SEMA3E: variants seen among roughly 807,000 people sequenced by gnomAD.
The protein encoded by SEMA3E is semaphorin 3E.
In SEMA3E, 49 loss-of-function variants were observed where a neutral mutation model predicts 93.6. The observed-to-expected ratio is 0.52, with a 90% CI of 0.42 to 0.66. The LOEUF (loss-of-function observed/expected upper bound fraction) is 0.66. SEMA3E is among the 30% of genes least tolerant of loss of function. SEMA3E has a pLI of 0.00. For synonymous variants in SEMA3E, 363 were observed against 330.7 expected (o/e 1.10, Z -1.06); for missense variants, 906 against 964.8 (o/e 0.94, Z 0.81).
In SEMA3E at chr7:83,367,503, C is replaced by T. The variant is rs975757073; in HGVS notation, c.*83G>A. ...TTACAGAAATCTCTTTTAAGTAATG[C>T]AAAGAAGTTGGATGATTTATTTTTT... On this transcript the variant is annotated 3_prime_UTR_variant, in exon 17 of 17. Transcript: ENST00000643230. The T allele has an allele frequency of 6.0e-5, 83 of 1,390,688 alleles. No individual in the cohort carries two copies. The highest frequency in any genetic ancestry group is 5.6e-4 in the African/African-American group (39 of 69,334). 86.1% of individuals were successfully genotyped at this position (1,390,688 alleles called of 1,614,324 possible). A position where few individuals can be genotyped will look rare whatever the true frequency, so the allele number is the denominator to read the frequency against.
At chr7:83,539,855 C>CTCTGTGTGTGTG (rs551859742) in intron 1 of SEMA3E, among the ~76,000 whole-genome samples, 8 of 122,752 alleles carry the variant, frequency 6.5e-5, no homozygotes, top group African/African-American at 3.0e-5. Context: ...TTTGTTGTTT[C>CTCTGTGTGTGTG]TGTGTGTGTG....
chr7:83,437,409 C>T (rs980936258), intron 4 of SEMA3E, among the ~76,000 whole-genome samples: 2 of 151,714 alleles, frequency 1.3e-5, no homozygotes, highest in African/African-American at 4.8e-5. Context: ...AAATAAGACA[C>T]AAAATCCAGA....
chr7:83,420,004 G>A (rs1404569179), intron 4 of SEMA3E, among the ~76,000 whole-genome samples: 1 of 152,060 alleles, frequency 6.6e-6, no homozygotes, highest in Non-Finnish European at 1.5e-5. Flanking sequence ...GAAGTCAAAC[G>A]ATCTCTCTTC....
chr7:83,419,808 T>C (rs1788637641), intron 4 of SEMA3E, among the ~76,000 whole-genome samples: 1 of 145,996 alleles, frequency 6.8e-6, no homozygotes, highest in African/African-American at 2.5e-5. Flanking sequence ...AACTAGGCAT[T>C]GAAGGAACAT....
At chr7:83,508,328 T>A (rs1252681834) in intron 1 of SEMA3E, among the ~76,000 whole-genome samples, 1 of 151,508 alleles carries the variant, frequency 6.6e-6, no homozygotes, top group Non-Finnish European at 1.5e-5. Context: ...AATGGTGCGA[T>A]CTCAACTCAC....
rs542993556 is a variant in SEMA3E, at chr7:83,615,907, A to C, written c.115+32521T>G. 2.0e-5 allele frequency among the ~76,000 whole-genome samples: 3 copies of C among 152,022 alleles called. No individual in the cohort carries two copies. In the East Asian group the frequency reaches 5.8e-4, roughly 29 times the overall value. The stretch of plus-strand genomic sequence containing the variant: ...TCTCTCTCTCTCTCCAGAGGGGTTT[A>C]TTTACTACACAGAATTTTTTCATCA... On this transcript the variant is annotated intron_variant, in intron 1 of 16. Transcript: ENST00000643230.
chr7:83,402,758 A>T lies in SEMA3E; in HGVS notation c.1017T>A (p.His339Gln), dbSNP rs746431820. ...FNTTSNIFRGHAICVYHMSSI... is the reference protein window; with the variant it reads ...FNTTSNIFRGQAICVYHMSSI... ...TAGACATGTGATAGACACATATAGC[A>T]TGCCCTCGAAAAATATTACTGAAAA... Residue 339 changes from histidine (H) to glutamine (Q), a missense_variant, in exon 10 of 17, where the codon CAT (histidine) becomes CAA (glutamine). Transcript: ENST00000643230. The T allele has an allele frequency of 1.1e-5, 18 of 1,612,502 alleles. No homozygotes were observed. Among genetic ancestry groups the T allele is most frequent in the Non-Finnish European group, 3.4e-6 (4 of 1,179,022 alleles).
chr7:83,573,608 C>G (rs1792332537), intron 1 of SEMA3E, among the ~76,000 whole-genome samples: 1 of 151,898 alleles, frequency 6.6e-6, no homozygotes, highest in East Asian at 1.9e-4. Context: ...TAATAAACAT[C>G]TTTGTAATTT....
chr7:83,440,008 C>T (rs1435975169), intron 4 of SEMA3E, among the ~76,000 whole-genome samples: 2 of 152,200 alleles, frequency 1.3e-5, no homozygotes, highest in Non-Finnish European at 1.5e-5. Flanking sequence ...CCACTCTGTG[C>T]ACAGCGTATG....
chr7:83,379,198 C>A (rs558764652), intron 16 of SEMA3E, among the ~76,000 whole-genome samples: 2 of 151,318 alleles, frequency 1.3e-5, no homozygotes, highest in Admixed American at 1.3e-4. Context: ...ACAGTGAGTA[C>A]AATTGGATAT....
chr7:83,446,455 G>A (rs1226063219), intron 4 of SEMA3E, among the ~76,000 whole-genome samples: 8 of 152,312 alleles, frequency 5.3e-5, no homozygotes, highest in Middle Eastern at 3.4e-3. Flanking sequence ...TTGTGGTGAC[G>A]TTTTGTGAAT....
intron 4 of SEMA3E, among the ~76,000 whole-genome samples, chr7:83,449,721 C>G (rs1038454000): frequency 5.3e-5 from 8 of 152,100 alleles, no homozygotes; most frequent in Non-Finnish European, 1.2e-4. Context: ...GTTCTCTCTT[C>G]CTGTTTCTCT....
intron 12 of SEMA3E, among the ~76,000 whole-genome samples, chr7:83,396,431 A>G (rs943110315): frequency 1.3e-5 from 2 of 152,024 alleles, no homozygotes; most frequent in Admixed American, 6.6e-5. Context: ...AATTCTTTCC[A>G]TGCTGGGTAA....
chr7:83,631,594 T>C (rs999480459), intron 1 of SEMA3E, among the ~76,000 whole-genome samples: 5 of 152,356 alleles, frequency 3.3e-5, no homozygotes, highest in African/African-American at 1.2e-4. Flanking sequence ...CAGAACCATA[T>C]AGTCTTTGAA....
intron 1 of SEMA3E, among the ~76,000 whole-genome samples, chr7:83,546,358 GTGTGTGT>G: frequency 1.5e-5 from 2 of 134,590 alleles, no homozygotes; most frequent in South Asian, 2.3e-4. Context: ...GTGTGTGTGT[GTGTGTGT>G]TGAGAAAGGA....
At chr7:83,529,239 G>C (rs1048514768) in intron 1 of SEMA3E, among the ~76,000 whole-genome samples, 2 of 152,210 alleles carry the variant, frequency 1.3e-5, no homozygotes, top group East Asian at 3.9e-4. Flanking sequence ...TGGCATGCAC[G>C]TTATGAATAG....
rs1321972303 is a variant in SEMA3E at position 83,593,280 on chromosome 7, CTCTCTGTGTGTGTGTGTGTGTGTGTGTG to C, written c.115+55120_115+55147del. ...TCTCTGTCTCTCTCTCTCTCTCTCT[CTCTCTGTGTGTGTGTGTGTGTGTGTGTG>C]TGTGTGTGTGTGTGTGTGTGTGTGT... On this transcript the variant is annotated intron_variant, in intron 1 of 16. Coordinates refer to ENST00000643230, the MANE Select transcript of SEMA3E (RefSeq NM_012431.3). Among the ~76,000 whole-genome samples, 2 of 109,196 alleles carry C rather than the reference CTCTCTGTGTGTGTGTGTGTGTGTGTGTG, an allele frequency of 1.8e-5. 1 individual carries two copies. The highest frequency in any genetic ancestry group is 8.7e-5 in the African/African-American group (2 of 22,956). The allele number at this position is 109,196 out of a possible 152,430, so 71.6% of individuals were successfully genotyped here.
intron 3 of SEMA3E, 112 bp from the exon 4 acceptor site, chr7:83,466,713 GT>G: frequency 2.2e-6 from 3 of 1,350,466 alleles, no homozygotes; most frequent in Non-Finnish European, 3.1e-6. Context: ...GTAAATCTCT[GT>G]TGGGTGAAGG....
chr7:83,494,847 T>C (rs1464915095), intron 1 of SEMA3E, among the ~76,000 whole-genome samples: 1 of 151,968 alleles, frequency 6.6e-6, no homozygotes, highest in Non-Finnish European at 1.5e-5. Flanking sequence ...TCAAGGGAAA[T>C]AATGAAATTG....
Sources: allele counts gnomAD v4.1 joint callset (sites outside exome capture counted in the v4.1 genomes callset), GRCh38; gene constraint gnomAD v4.1.1; transcripts MANE v1.5; gene names NCBI Gene and HGNC (gene_info 2026-07-23, HGNC 2026-07-21).